The following PPP2CB variants were observed in gnomAD, a reference collection of about 807,000 sequenced individuals.
The protein encoded by PPP2CB is serine/threonine-protein phosphatase 2A catalytic subunit beta isoform.
A neutral mutation model predicts 39.1 loss-of-function variants in PPP2CB; 18 were observed. That is an observed-to-expected ratio of 0.46 (90% confidence interval 0.32 to 0.68). PPP2CB has a LOEUF of 0.68. Ranked by LOEUF, PPP2CB falls within the 30% of genes least tolerant of loss-of-function variation. The pLI is 0.04. For missense variants in PPP2CB, 226 were observed against 396.9 expected, an observed-to-expected ratio of 0.57 and a Z score of 3.66; for synonymous variants, 129 against 133.8, an observed-to-expected ratio of 0.96 and a Z score of 0.25.
intron 1 of PPP2CB, 72 bp from the exon 2 acceptor site, chr8:30,799,827 G>A (rs1806591273): frequency 1.2e-5 from 16 of 1,369,716 alleles, no homozygotes; most frequent in Non-Finnish European, 1.5e-5. Context: ...GAAAATTTGG[G>A]GAAAAAAACA....
chr8:30,797,901 G>A, intron 2 of PPP2CB, 147 bp from the exon 3 acceptor site: 3 of 757,758 alleles, frequency 4.0e-6, no homozygotes, highest in Admixed American at 6.3e-5. Context: ...TAAAAAACTT[G>A]CTTATTCATA....
chr8:30,811,788 C>T lies in PPP2CB; in HGVS notation c.102+532G>A, dbSNP rs181183277. Among the ~76,000 whole-genome samples, 4 of 152,330 alleles carry T rather than the reference C, an allele frequency of 2.6e-5. No individual in the cohort carries two copies. The East Asian group carries it at 7.7e-4, about 29-fold the overall frequency. The stretch of plus-strand genomic sequence containing the variant: ...AGTAGCTGTGGCCACAGGCGTGAGC[C>T]ACCACGCCCGGCTTGAGTTAGTGAT... On this transcript the variant is annotated intron_variant, in intron 1 of 6. Coordinates refer to ENST00000221138, the MANE Select transcript of PPP2CB (RefSeq NM_001009552.2).
chr8:30,797,791 A>G (rs763897021), intron 2 of PPP2CB, 37 bp from the exon 3 acceptor site: 4 of 1,594,392 alleles, frequency 2.5e-6, no homozygotes, highest in Non-Finnish European at 3.4e-6. Context: ...GTAAAATCAC[A>G]TTTTTACTAG....
intron 6 of PPP2CB, among the ~76,000 whole-genome samples, chr8:30,786,957 G>A (rs755957103): frequency 6.6e-6 from 1 of 152,006 alleles, no homozygotes; most frequent in Non-Finnish European, 1.5e-5. Flanking sequence ...GAGCCACCGC[G>A]CCAGGCCTAA....
intron 6 of PPP2CB, 71 bp downstream of exon 6, chr8:30,791,125 GA>G: frequency 9.4e-7 from 1 of 1,061,384 alleles, no homozygotes; most frequent in Non-Finnish European, 1.4e-6. Context: ...TTCAGAAACA[GA>G]AATCTTCTAT....
At chr8:30,808,482 T>C (rs1251656138) in intron 1 of PPP2CB, among the ~76,000 whole-genome samples, 1 of 152,154 alleles carries the variant, frequency 6.6e-6, no homozygotes, top group Admixed American at 6.5e-5. Context: ...TCCTATAGAA[T>C]AGTATTTCCA....
intron 6 of PPP2CB, among the ~76,000 whole-genome samples, chr8:30,786,751 C>T (rs541061349): frequency 3.0e-4 from 45 of 150,756 alleles, no homozygotes; most frequent in South Asian, 6.3e-4. Flanking sequence ...GCAAGCTCCG[C>T]CTCCTGGGTT....
chr8:30,796,114 A>G (rs1216548706), intron 3 of PPP2CB, among the ~76,000 whole-genome samples: 2 of 152,220 alleles, frequency 1.3e-5, no homozygotes, highest in African/African-American at 4.8e-5. Context: ...TGTTGCTTCA[A>G]AACAATTAAA....
intron 6 of PPP2CB, 58 bp downstream of exon 6, chr8:30,791,133 CTATTTT>C: frequency 8.8e-7 from 1 of 1,134,350 alleles, no homozygotes; most frequent in Non-Finnish European, 1.3e-6. Context: ...CAGAAATCTT[CTATTTT>C]TAACATTTAA....
intron 1 of PPP2CB, among the ~76,000 whole-genome samples, chr8:30,802,389 C>T (rs999359806): frequency 7.2e-5 from 11 of 152,086 alleles, no homozygotes; most frequent in African/African-American, 2.7e-4. Flanking sequence ...AGATTATATA[C>T]AGAAACATAA....
In PPP2CB at chr8:30,786,079, T is replaced by A; in HGVS notation, c.*156A>T. ...AATTGTGCTAAATGCTCATCATTAG[T>A]ATGGCACATTTGGTCCATGATGTGG... On this transcript the variant is annotated 3_prime_UTR_variant, in exon 7 of 7. Coordinates refer to ENST00000221138, the MANE Select transcript of PPP2CB (RefSeq NM_001009552.2). The A allele has an allele frequency of 7.0e-6, 5 of 714,906 alleles. No individual in the cohort carries two copies. The highest frequency in any genetic ancestry group is 1.0e-5 in the Non-Finnish European group (4 of 399,764). 44.3% of individuals were successfully genotyped at this position (714,906 alleles called of 1,614,324 possible).
At chr8:30,792,512 T>C (rs998196426) in intron 5 of PPP2CB, among the ~76,000 whole-genome samples, 2 of 152,008 alleles carry the variant, frequency 1.3e-5, no homozygotes, top group African/African-American at 4.8e-5. Flanking sequence ...GGTACGATCA[T>C]AGCTCACTGC....
At chr8:30,805,452 C>T (rs188219771) in intron 1 of PPP2CB, among the ~76,000 whole-genome samples, 18 of 151,982 alleles carry the variant, frequency 1.2e-4, no homozygotes, top group African/African-American at 3.6e-4. Context: ...CCCAGCTACT[C>T]GGGAGGCTGG....
At chr8:30,800,130 A>G (rs1436625953) in intron 1 of PPP2CB, among the ~76,000 whole-genome samples, 1 of 152,268 alleles carries the variant, frequency 6.6e-6, no homozygotes. Flanking sequence ...AGCATTATTA[A>G]TAACAGCCAA....
At chr8:30,807,561 C>T (rs1806744331) in intron 1 of PPP2CB, among the ~76,000 whole-genome samples, 1 of 152,212 alleles carries the variant, frequency 6.6e-6, no homozygotes, top group Non-Finnish European at 1.5e-5. Flanking sequence ...ACTTTATAAT[C>T]ATCAGAATAA....
chr8:30,802,507 G>A (rs1563216712), intron 1 of PPP2CB, among the ~76,000 whole-genome samples: 1 of 152,058 alleles, frequency 6.6e-6, no homozygotes, highest in Non-Finnish European at 1.5e-5. Context: ...TTGAGACAGG[G>A]TCTCGCTCTG....
chr8:30,797,510 C>A, intron 3 of PPP2CB, 71 bp downstream of exon 3: 6 of 1,428,754 alleles, frequency 4.2e-6, no homozygotes, highest in Non-Finnish European at 5.7e-6. Context: ...TGAATCTAGA[C>A]CCCAGCTTAC....
At chr8:30,791,928 ATG>A (rs1303494352) in intron 5 of PPP2CB, among the ~76,000 whole-genome samples, 3 of 151,568 alleles carry the variant, frequency 2.0e-5, no homozygotes, top group South Asian at 2.1e-4. Context: ...ACACGTATAT[ATG>A]TATGTATACA....
At chr8:30,792,039 T>C (rs562278462) in intron 5 of PPP2CB, among the ~76,000 whole-genome samples, 26 of 151,542 alleles carry the variant, frequency 1.7e-4, no homozygotes, top group Non-Finnish European at 3.2e-4. Flanking sequence ...TATACATATA[T>C]ATACATACAT....
Sources: gnomAD v4.1 joint callset for allele counts (sites outside exome capture counted in the v4.1 genomes callset) on GRCh38, gnomAD v4.1.1 for gene constraint, MANE v1.5 for transcripts, NCBI Gene and HGNC (gene_info 2026-07-23, HGNC 2026-07-21) for gene names.